MCM9: variants seen among roughly 807,000 people sequenced by gnomAD.
MCM9 encodes minichromosome maintenance 9 homologous recombination repair factor.
A neutral mutation model predicts 72.8 loss-of-function variants in MCM9; 55 were observed. The ratio of observed to expected loss-of-function variants is 0.76; its 90% CI spans 0.61 to 0.95. The LOEUF (loss-of-function observed/expected upper bound fraction) is 0.95, where lower values mean the gene tolerates loss of function less well. MCM9 is among the 40% of genes least tolerant of loss of function. The pLI is 0.00. For missense variants in MCM9, 1,279 were observed against 1,377.0 expected (o/e 0.93, Z 1.13); for synonymous variants, 480 against 503.4 (o/e 0.95, Z 0.62).
At chr6:118,888,986 C>CT (rs2114438996) in intron 8 of MCM9, among the ~76,000 whole-genome samples, 1 of 152,206 alleles carries the variant, frequency 6.6e-6, no homozygotes, top group East Asian at 1.9e-4. Flanking sequence ...TGAAAATACT[C>CT]TAAAATTGAT....
chr6:118,913,989 G>A (rs559963668), intron 6 of MCM9, among the ~76,000 whole-genome samples: 16 of 152,288 alleles, frequency 1.1e-4, no homozygotes, highest in East Asian at 7.7e-4. Context: ...CAGAAATAAT[G>A]AGTCAGATCA....
chr6:118,840,169 A>ATTT lies in MCM9; in HGVS notation c.1326-10922_1326-10920dup, dbSNP rs36155062. On this transcript the variant is annotated intron_variant, in intron 9 of 13. Transcript: ENST00000619706. ...ACTGTAGATGGTAGATTTTTATGTT[A>ATTT]TTTTTTTTTTTTTCTCCACACACAC... Among the ~76,000 whole-genome samples the ATTT allele has an allele frequency of 4.8e-5, 7 of 145,772 alleles. No individual in the cohort carries two copies. In the East Asian group the frequency reaches 8.0e-4, roughly 17 times the overall value.
chr6:118,882,551 G>A (rs781380681), intron 8 of MCM9, among the ~76,000 whole-genome samples: 1 of 152,182 alleles, frequency 6.6e-6, no homozygotes, highest in African/African-American at 2.4e-5. Flanking sequence ...AATTGAACCA[G>A]AGTGCTGAGC....
chr6:118,929,781 C>T (rs1782228959), intron 3 of MCM9, among the ~76,000 whole-genome samples: 1 of 152,002 alleles, frequency 6.6e-6, no homozygotes, highest in Non-Finnish European at 1.5e-5. Flanking sequence ...AATACCAGCC[C>T]GGGTAACAGA....
At chr6:118,900,026 G>A (rs747322883) in intron 8 of MCM9, among the ~76,000 whole-genome samples, 3 of 152,194 alleles carry the variant, frequency 2.0e-5, no homozygotes, top group African/African-American at 4.8e-5. Context: ...AGTAAAATCC[G>A]CTATATTGAA....
intron 8 of MCM9, among the ~76,000 whole-genome samples, chr6:118,859,951 C>A (rs1295525513): frequency 1.3e-5 from 2 of 152,160 alleles, no homozygotes; most frequent in African/African-American, 4.8e-5. Context: ...GGGACACAAG[C>A]TCACTAAAAG....
intron 13 of MCM9, among the ~76,000 whole-genome samples, chr6:118,816,580 AATTC>A (rs2114491513): frequency 6.6e-6 from 1 of 152,270 alleles, no homozygotes; most frequent in Non-Finnish European, 1.5e-5. Context: ...CCAAAAGTCC[AATTC>A]ATTCATTTAA....
chr6:118,921,528 G>C (rs765837737), intron 5 of MCM9: 2 of 152,230 alleles, frequency 1.3e-5, no homozygotes, highest in South Asian at 4.1e-4. Context: ...CTCCAATCAC[G>C]GTGTCACCAG....
chr6:118,900,993 C>T, intron 8 of MCM9: 1 of 729,194 alleles, frequency 1.4e-6, no homozygotes, highest in Non-Finnish European at 2.4e-6. Context: ...ACTGCTTCTG[C>T]TGCATTCACT....
chr6:118,833,581 A>G (rs1774741596), intron 9 of MCM9, among the ~76,000 whole-genome samples: 1 of 152,208 alleles, frequency 6.6e-6, no homozygotes, highest in African/African-American at 2.4e-5. Flanking sequence ...TATACACACA[A>G]TGGAAAATTG....
intron 2 of MCM9, 131 bp downstream of exon 2, chr6:118,932,476 G>A (rs911315727): frequency 2.7e-6 from 1 of 374,874 alleles, no homozygotes; most frequent in Non-Finnish European, 3.7e-6. Flanking sequence ...AGTAACAGTG[G>A]AGTTCTTTGC....
Position 118,816,261 on chromosome 6 carries a change from T to C in MCM9, c.1995A>G (p.Pro665=), listed in dbSNP as rs1220578665. 1 of 1,548,028 alleles carries C rather than the reference T, an allele frequency of 6.5e-7. No homozygotes were observed. The highest frequency in any genetic ancestry group is 8.7e-7 in the Non-Finnish European group (1 of 1,145,578). The change falls in exon 14 of 14, where the codon CCA becomes CCG. Residue 665 remains proline (P), a synonymous_variant. Transcript: ENST00000619706. ...GAGTAGTCTCTACCTCCAATACCCG[T>C]GGTTGGGATTGGTGCACACTCTGAT... The part of the protein sequence containing the change: ...LQNQSVHQSQ[P]RVLEVETTPG...
intron 12 of MCM9, 73 bp from the exon 13 acceptor site, chr6:118,826,365 G>A: frequency 6.2e-6 from 9 of 1,455,832 alleles, no homozygotes; most frequent in Non-Finnish European, 8.2e-6. Context: ...CTAGGGACCA[G>A]CAATCCCCGG....
intron 3 of MCM9, among the ~76,000 whole-genome samples, chr6:118,927,334 T>C (rs1039603362): frequency 6.6e-6 from 1 of 152,236 alleles, no homozygotes; most frequent in African/African-American, 2.4e-5. Context: ...CTGGACGTGG[T>C]GGCTCATGCC....
At chr6:118,831,373 G>T (rs896884215) in intron 9 of MCM9, among the ~76,000 whole-genome samples, 1 of 151,758 alleles carries the variant, frequency 6.6e-6, no homozygotes, top group Non-Finnish European at 1.5e-5. Flanking sequence ...TTGGGGGTGG[G>T]GAGAACTAAC....
intron 9 of MCM9, among the ~76,000 whole-genome samples, chr6:118,840,288 G>C (rs1427168428): frequency 1.3e-5 from 2 of 152,016 alleles, no homozygotes; most frequent in African/African-American, 2.4e-5. Context: ...TTGGGAGGTG[G>C]GGCCTTTGGG....
chr6:118,907,391 T>G, intron 8 of MCM9: 1 of 1,565,778 alleles, frequency 6.4e-7, no homozygotes, highest in Non-Finnish European at 8.7e-7. Context: ...TATGTTTCCT[T>G]TTTCCTCTAG....
rs1426617154 is a variant in MCM9, at chr6:118,917,754, G to T, written c.711C>A (p.Asp237Glu). The change falls in exon 6 of 14, where the codon GAC becomes GAA. Residue 237 changes from aspartate to glutamate, a missense_variant. Physicochemically the swap from Asp to Glu is conservative, Grantham distance 45. Transcript: ENST00000619706. The part of the protein sequence containing the change: ...DLVDSCKSGD[D>E]LTIYGIVMQR... ...GCATTACAATCCCGTAAATAGTGAG[G>T]TCATCACCTAGGAAAAAGCATCAAG... 1 of 1,613,982 alleles carries T rather than the reference G, an allele frequency of 6.2e-7. No homozygotes were observed. The highest frequency in any genetic ancestry group is 8.5e-7 in the Non-Finnish European group (1 of 1,179,950).
chr6:118,918,517 T>A (rs1212023697), intron 5 of MCM9: 1 of 152,256 alleles, frequency 6.6e-6, no homozygotes, highest in African/African-American at 2.4e-5. Context: ...CGCCAAACAC[T>A]GCCATCTGTA....
Sources: allele counts gnomAD v4.1 joint callset (sites outside exome capture counted in the v4.1 genomes callset), GRCh38; gene constraint gnomAD v4.1.1; transcripts MANE v1.5; gene names NCBI Gene and HGNC (gene_info 2026-07-23, HGNC 2026-07-21).